The following CNTNAP2 variants were observed in gnomAD, a reference collection of about 807,000 sequenced individuals.
CNTNAP2 encodes the protein contactin-associated protein-like 2.
Under a neutral mutation model 155.2 loss-of-function variants are expected in CNTNAP2, and 98 were observed. The ratio of observed to expected loss-of-function variants is 0.63; its 90% confidence interval spans 0.54 to 0.75. The LOEUF (loss-of-function observed/expected upper bound fraction) is 0.75, where lower values mean the gene tolerates loss of function less well. Ranked by LOEUF, CNTNAP2 falls within the 30% of genes least tolerant of loss-of-function variation. CNTNAP2 has a pLI of 0.00. For missense variants in CNTNAP2, 1,727 were observed against 1,688.1 expected, an observed-to-expected ratio of 1.02 and a Z score of -0.40; for synonymous variants, 651 against 631.2, an observed-to-expected ratio of 1.03 and a Z score of -0.47.
At chr7:147,600,652 G>A (rs1304725641) in intron 12 of CNTNAP2, among the ~76,000 whole-genome samples, 1 of 152,144 alleles carries the variant, frequency 6.6e-6, no homozygotes, top group Non-Finnish European at 1.5e-5. Context: ...TCTCTTGTTG[G>A]TTGTCTGCCT....
chr7:148,104,084 C>A (rs552931096), intron 15 of CNTNAP2, among the ~76,000 whole-genome samples: 1 of 152,232 alleles, frequency 6.6e-6, no homozygotes, highest in African/African-American at 2.4e-5. Context: ...AAACTGAGGT[C>A]TTAGAAGACT....
chr7:147,970,649 A>G (rs1048900146), intron 14 of CNTNAP2, among the ~76,000 whole-genome samples: 2 of 152,216 alleles, frequency 1.3e-5, no homozygotes, highest in Non-Finnish European at 2.9e-5. Context: ...AAGACTCCAA[A>G]AAGTTTAGAA....
Position 147,861,743 on chromosome 7 carries a change from T to C in CNTNAP2, c.2099-41822T>C, listed in dbSNP as rs535493859. On this transcript the variant is annotated intron_variant, in intron 13 of 23. Transcript: ENST00000361727. ...ATATAAATTAAGACATTACCAAGTG[T>C]GGTGGCTCATGGCTGTAATCCCAGC... Among the ~76,000 whole-genome samples the C allele has an allele frequency of 3.0e-4, 46 of 151,992 alleles. 1 individual carries two copies. Among genetic ancestry groups the C allele is most frequent in the African/African-American group, 1.1e-3 (44 of 41,486 alleles).
At chr7:146,508,321 G>T (rs752910897) in intron 1 of CNTNAP2, among the ~76,000 whole-genome samples, 1 of 152,146 alleles carries the variant, frequency 6.6e-6, no homozygotes, top group Non-Finnish European at 1.5e-5. Flanking sequence ...TTCTCTGACC[G>T]TGGCTTGTAA....
At chr7:148,332,816 G>C (rs896504558) in intron 21 of CNTNAP2, among the ~76,000 whole-genome samples, 1 of 152,136 alleles carries the variant, frequency 6.6e-6, no homozygotes, top group Non-Finnish European at 1.5e-5. Flanking sequence ...CGCTGGAAAC[G>C]GGGAGGGTGG....
chr7:147,194,199 GT>G, intron 8 of CNTNAP2, among the ~76,000 whole-genome samples: 1 of 151,964 alleles, frequency 6.6e-6, no homozygotes, highest in South Asian at 2.1e-4. Context: ...TTTGGTTCCT[GT>G]GTTAGTTTGC....
chr7:147,969,894 AT>A (rs1196338813), intron 14 of CNTNAP2, among the ~76,000 whole-genome samples: 1 of 151,418 alleles, frequency 6.6e-6, no homozygotes, highest in African/African-American at 2.4e-5. Flanking sequence ...CTTTTAAAAC[AT>A]TTTTTAGTTA....
chr7:146,397,282 C>A (rs1485151932), intron 1 of CNTNAP2, among the ~76,000 whole-genome samples: 2 of 152,154 alleles, frequency 1.3e-5, no homozygotes, highest in African/African-American at 4.8e-5. Context: ...TGCAGATTTA[C>A]ATAAATACAT....
intron 8 of CNTNAP2, among the ~76,000 whole-genome samples, chr7:147,142,785 G>A (rs1270845951): frequency 3.3e-5 from 5 of 152,036 alleles, no homozygotes; most frequent in Admixed American, 1.3e-4. Flanking sequence ...TGATTTCTTA[G>A]CATGCCACAC....
Position 146,531,009 on chromosome 7 carries a change from G to A in CNTNAP2, c.98-243262G>A, listed in dbSNP as rs906211986. On this transcript the variant is annotated intron_variant, in intron 1 of 23. Coordinates refer to ENST00000361727, the MANE Select transcript of CNTNAP2 (RefSeq NM_014141.6). Reference sequence around the variant, plus strand: ...CAGCAGTGGACTGGATAAAGAAAATGTGGTACACATTTTATACACCGTGGA... The same window carrying A: ...CAGCAGTGGACTGGATAAAGAAAATATGGTACACATTTTATACACCGTGGA... Among the ~76,000 whole-genome samples, 9 of 152,162 alleles carry A rather than the reference G, an allele frequency of 5.9e-5. No individual in the cohort carries two copies. In the East Asian group the frequency reaches 1.7e-3, roughly 29 times the overall value.
chr7:146,304,863 T>C (rs1164975393), intron 1 of CNTNAP2, among the ~76,000 whole-genome samples: 3 of 152,160 alleles, frequency 2.0e-5, no homozygotes, highest in African/African-American at 4.8e-5. Flanking sequence ...TCCTGCAGTG[T>C]TTTCCAACTT....
chr7:147,882,701 C>T (rs1415746813), intron 13 of CNTNAP2, among the ~76,000 whole-genome samples: 2 of 152,138 alleles, frequency 1.3e-5, no homozygotes, highest in Non-Finnish European at 2.9e-5. Flanking sequence ...CCATGTACCT[C>T]TATAGTCTCC....
chr7:147,166,516 A>C (rs1802116552), intron 8 of CNTNAP2, among the ~76,000 whole-genome samples: 1 of 152,130 alleles, frequency 6.6e-6, no homozygotes, highest in African/African-American at 2.4e-5. Context: ...ACCAAATACC[A>C]GCTGTTCCCC....
chr7:146,495,336 G>T (rs1370230309), intron 1 of CNTNAP2, among the ~76,000 whole-genome samples: 6 of 152,270 alleles, frequency 3.9e-5, no homozygotes, highest in African/African-American at 1.4e-4. Context: ...TGTTCTAGCT[G>T]ACCACAGAAT....
chr7:148,137,475 C>T (rs569705453), intron 16 of CNTNAP2, among the ~76,000 whole-genome samples: 5 of 152,312 alleles, frequency 3.3e-5, no homozygotes, highest in African/African-American at 1.2e-4. Flanking sequence ...GCCTGGCCAA[C>T]ATGGCAAAAC....
At chr7:148,149,198 G>A (rs1805250873) in intron 17 of CNTNAP2, among the ~76,000 whole-genome samples, 1 of 152,066 alleles carries the variant, frequency 6.6e-6, no homozygotes, top group African/African-American at 2.4e-5. Context: ...CTTTAGTTTT[G>A]TTCCTTTCTG....
intron 1 of CNTNAP2, among the ~76,000 whole-genome samples, chr7:146,380,906 C>G (rs1005173099): frequency 1.4e-5 from 2 of 145,658 alleles, no homozygotes; most frequent in African/African-American, 2.5e-5. Context: ...TCACGCCATT[C>G]TCCTGCCTCA....
At chr7:147,601,640 AAAAAAT>A (rs1426892271) in intron 12 of CNTNAP2, among the ~76,000 whole-genome samples, 1 of 85,164 alleles carries the variant, frequency 1.2e-5, no homozygotes, top group African/African-American at 5.5e-5. Flanking sequence ...GACTCTTAAA[AAAAAAT>A]ATATATATAT....
intron 10 of CNTNAP2, among the ~76,000 whole-genome samples, chr7:147,466,319 C>T (rs1798118451): frequency 6.6e-6 from 1 of 152,094 alleles, no homozygotes; most frequent in Non-Finnish European, 1.5e-5. Flanking sequence ...GACCTACAGT[C>T]AAACAATATA....
Sources: gnomAD v4.1 joint callset for allele counts (sites outside exome capture counted in the v4.1 genomes callset) on GRCh38, gnomAD v4.1.1 for gene constraint, MANE v1.5 for transcripts, NCBI Gene and HGNC (gene_info 2026-07-23, HGNC 2026-07-21) for gene names.